Variants in XRCC2 observed in about 807,000 individuals in gnomAD.
The protein encoded by XRCC2 is X-ray repair cross complementing 2.
Under a neutral mutation model 27.3 loss-of-function variants are expected in XRCC2, and 24 were observed. That is an observed-to-expected ratio of 0.88 (90% CI 0.64 to 1.24). The LOEUF (loss-of-function observed/expected upper bound fraction) is 1.24. Ranked by LOEUF, XRCC2 falls within the 50% of genes most tolerant of loss-of-function variation. The pLI is 0.00. For missense variants in XRCC2, 321 were observed against 325.8 expected (o/e 0.99, Z 0.11); for synonymous variants, 106 against 115.4 (o/e 0.92, Z 0.52).
intron 1 of XRCC2, among the ~76,000 whole-genome samples, chr7:152,673,349 A>T (rs1563034761): frequency 2.6e-5 from 4 of 151,506 alleles, no homozygotes; most frequent in Admixed American, 6.6e-5. Flanking sequence ...CACCCAGCTA[A>T]TTTTTTTTAT....
chr7:152,669,387 G>C (rs1235237379), intron 1 of XRCC2, among the ~76,000 whole-genome samples: 1 of 152,110 alleles, frequency 6.6e-6, no homozygotes, highest in Non-Finnish European at 1.5e-5. Flanking sequence ...GTCTGCAAAA[G>C]AGATAATGCT....
rs3218475 is a variant in XRCC2 at position 152,660,543 on chromosome 7, A to C, written c.121+158T>G. ...AAACTTGTCTGACACCGATGAGGAA[A>C]GCTTAAAAGCTTTCTGTCACAACCT... is the stretch of plus-strand genomic sequence containing the variant. On this transcript the variant is annotated intron_variant, in intron 2 of 2. Coordinates refer to ENST00000359321, the MANE Select transcript of XRCC2 (RefSeq NM_005431.2). 0.022 allele frequency among the ~76,000 whole-genome samples: 3,324 copies of C among 152,348 alleles called. 110 individuals are homozygous for C. The highest frequency in any genetic ancestry group is 0.074 in the African/African-American group (3,095 of 41,564).
chr7:152,664,394 C>T (rs916980535), intron 1 of XRCC2, among the ~76,000 whole-genome samples: 2 of 152,074 alleles, frequency 1.3e-5, no homozygotes, highest in African/African-American at 4.8e-5. Context: ...CTGGAGGACA[C>T]GAGCATCATC....
intron 2 of XRCC2, among the ~76,000 whole-genome samples, chr7:152,658,295 C>T (rs1244973166): frequency 4.6e-5 from 7 of 152,056 alleles, no homozygotes; most frequent in African/African-American, 1.7e-4. Flanking sequence ...GGACTGCAGG[C>T]GCCTGCCACC....
At chr7:152,664,076 T>C (rs2098034561) in intron 1 of XRCC2, 1 of 152,234 alleles carries the variant, frequency 6.6e-6, no homozygotes, top group African/African-American at 2.4e-5. Flanking sequence ...TGTCACACAT[T>C]GTTGCTGGGA....
chr7:152,664,065 T>C (rs1176689672), intron 1 of XRCC2: 1 of 152,204 alleles, frequency 6.6e-6, no homozygotes, highest in East Asian at 1.9e-4. Context: ...CAATATTCTA[T>C]TGTCACACAT....
intron 1 of XRCC2, among the ~76,000 whole-genome samples, chr7:152,673,591 G>A (rs1381692223): frequency 6.6e-6 from 1 of 152,162 alleles, no homozygotes; most frequent in African/African-American, 2.4e-5. Context: ...AAGCAGGCCA[G>A]GCGTGGTGGC....
At chr7:152,661,907 C>T (rs914798723) in intron 1 of XRCC2, among the ~76,000 whole-genome samples, 29 of 152,156 alleles carry the variant, frequency 1.9e-4, no homozygotes, top group African/African-American at 5.6e-4. Flanking sequence ...CAAACAGCAC[C>T]CTCCCTCATA....
At chr7:152,665,940 G>A (rs2098035437) in intron 1 of XRCC2, among the ~76,000 whole-genome samples, 1 of 152,044 alleles carries the variant, frequency 6.6e-6, no homozygotes, top group Admixed American at 6.6e-5. Context: ...TGAGAGGATG[G>A]ATGTTCTTCA....
At chr7:152,651,182 T>G (rs1248153055) in intron 2 of XRCC2, among the ~76,000 whole-genome samples, 1 of 151,968 alleles carries the variant, frequency 6.6e-6, no homozygotes, top group East Asian at 1.9e-4. Flanking sequence ...TCAGGTGATC[T>G]ACCCACCTCG....
At chr7:152,653,354 T>G (rs1372565095) in intron 2 of XRCC2, among the ~76,000 whole-genome samples, 1 of 152,192 alleles carries the variant, frequency 6.6e-6, no homozygotes, top group Non-Finnish European at 1.5e-5. Context: ...GGGTATGTCT[T>G]TATCAGCAGC....
At chr7:152,669,579 T>C (rs955340371) in intron 1 of XRCC2, among the ~76,000 whole-genome samples, 1 of 151,844 alleles carries the variant, frequency 6.6e-6, no homozygotes, top group East Asian at 2.0e-4. Flanking sequence ...TTTTTTCTAT[T>C]TTTAGTAGAG....
At chr7:152,663,770 T>G (rs2098034359) in intron 1 of XRCC2, among the ~76,000 whole-genome samples, 1 of 151,650 alleles carries the variant, frequency 6.6e-6, no homozygotes, top group Admixed American at 6.6e-5. Flanking sequence ...GTCCAGGAGG[T>G]CGAGGCTGCA....
chr7:152,659,542 T>C (rs1390038255), intron 2 of XRCC2, among the ~76,000 whole-genome samples: 1 of 151,342 alleles, frequency 6.6e-6, no homozygotes, highest in Non-Finnish European at 1.5e-5. Context: ...AATAAGCCTG[T>C]GCAAAGATAC....
rs781325306 is a variant in XRCC2, at chr7:152,660,671, AT to A, written c.121+29del. 7.0e-6 allele frequency: 11 copies of A among 1,572,072 alleles called. No individual in the cohort carries two copies. The East Asian group carries it at 2.0e-4, about 29-fold the overall frequency. On this transcript the variant is annotated intron_variant, in intron 2 of 2. Coordinates refer to ENST00000359321, the MANE Select transcript of XRCC2 (RefSeq NM_005431.2). Reference sequence around the variant, plus strand: ...GAAAAATCCTTTTATAAAGATTTGCATTTATTTATATAAAGGTTGTATTTTT... The same window carrying A: ...GAAAAATCCTTTTATAAAGATTTGCATTATTTATATAAAGGTTGTATTTTT...
chr7:152,661,081 T>G (rs1318680371), intron 1 of XRCC2, among the ~76,000 whole-genome samples: 1 of 152,172 alleles, frequency 6.6e-6, no homozygotes, highest in African/African-American at 2.4e-5. Flanking sequence ...GGAAGATCAC[T>G]TGAGTCAAAG....
At chr7:152,665,601 C>T (rs1041998980) in intron 1 of XRCC2, among the ~76,000 whole-genome samples, 6 of 151,088 alleles carry the variant, frequency 4.0e-5, no homozygotes, top group African/African-American at 1.5e-4. Flanking sequence ...CCACCTCGGC[C>T]TCCCAAGTAG....
chr7:152,666,285 C>G (rs957893373), intron 1 of XRCC2, among the ~76,000 whole-genome samples: 2 of 152,028 alleles, frequency 1.3e-5, no homozygotes, highest in South Asian at 2.1e-4. Flanking sequence ...CATCATGGCT[C>G]TCTGCAGCCT....
intron 1 of XRCC2, among the ~76,000 whole-genome samples, chr7:152,674,701 AT>A (rs2098039618): frequency 9.6e-6 from 1 of 104,388 alleles, no homozygotes; most frequent in African/African-American, 4.7e-5. Flanking sequence ...TTTTAAATAT[AT>A]ATTTATATAA....
Sources: gnomAD v4.1 joint callset for allele counts (sites outside exome capture counted in the v4.1 genomes callset) on GRCh38, gnomAD v4.1.1 for gene constraint, MANE v1.5 for transcripts, NCBI Gene and HGNC (gene_info 2026-07-23, HGNC 2026-07-21) for gene names.